Variants in KCNJ1 observed in about 807,000 individuals in gnomAD.
KCNJ1 encodes the protein ATP-sensitive inward rectifier potassium channel 1.
In KCNJ1, 24 loss-of-function variants were observed where a neutral mutation model predicts 21.9. The ratio of observed to expected loss-of-function variants is 1.10; its 90% CI spans 0.79 to 1.54. The LOEUF (loss-of-function observed/expected upper bound fraction) is 1.54, where lower values mean the gene tolerates loss of function less well. Among genes scored for constraint, KCNJ1 ranks in the 40% most tolerant of loss-of-function variants. The pLI is 0.00. For missense variants in KCNJ1, 457 were observed against 455.4 expected, an observed-to-expected ratio of 1.00 and a Z score of -0.03; for synonymous variants, 152 against 160.9, an observed-to-expected ratio of 0.94 and a Z score of 0.42.
At chr11:128,865,399 G>A (rs770430615) in intron 1 of KCNJ1, among the ~76,000 whole-genome samples, 11 of 152,018 alleles carry the variant, frequency 7.2e-5, no homozygotes, top group Non-Finnish European at 1.5e-4. Context: ...GCCATTCAGT[G>A]GTTTCCCAGG....
At chr11:128,856,752 A>G (rs1478254084) in intron 1 of KCNJ1, among the ~76,000 whole-genome samples, 1 of 152,020 alleles carries the variant, frequency 6.6e-6, no homozygotes, top group Admixed American at 6.5e-5. Flanking sequence ...CACGCAATCC[A>G]TCAGCAAATC....
intron 2 of KCNJ1, among the ~76,000 whole-genome samples, chr11:128,841,620 T>G (rs766076635): frequency 1.3e-5 from 2 of 152,186 alleles, no homozygotes; most frequent in African/African-American, 2.4e-5. Context: ...AAAATCCCCC[T>G]TGAAAAATGT....
intron 1 of KCNJ1, among the ~76,000 whole-genome samples, chr11:128,851,424 T>G (rs1321031808): frequency 6.6e-6 from 1 of 152,262 alleles, no homozygotes; most frequent in African/African-American, 2.4e-5. Context: ...ATTCTTCCAC[T>G]TGTTTATCCT....
chr11:128,839,508 G>A lies in KCNJ1; in HGVS notation c.736C>T (p.Pro246Ser), dbSNP rs764179926. The change falls in exon 3 of 3, where the codon CCA becomes TCA. Residue 246 changes from proline (P) to serine (S), a missense_variant. Pro to Ser is a moderately conservative substitution (Grantham distance 74). Transcript: ENST00000392666. ...TCAATGACATGGTAAATTGTCAATG[G>A]GGAGATGAAGAATAAATTTTCATTC... ...AGNENLFFIS[P>S]LTIYHVIDHN... 1 of 1,614,126 alleles carries A rather than the reference G, an allele frequency of 6.2e-7. No individual in the cohort carries two copies.
At chr11:128,864,330 C>T (rs1337287520) in intron 1 of KCNJ1, among the ~76,000 whole-genome samples, 1 of 152,018 alleles carries the variant, frequency 6.6e-6, no homozygotes, top group African/African-American at 2.4e-5. Flanking sequence ...AGATGAGCCT[C>T]AGCCACCAAA....
intron 2 of KCNJ1, among the ~76,000 whole-genome samples, chr11:128,845,346 A>G (rs1218413643): frequency 2.0e-5 from 3 of 152,246 alleles, no homozygotes; most frequent in Non-Finnish European, 4.4e-5. Context: ...AGTCCCAAAG[A>G]GGAGACCCAG....
intron 2 of KCNJ1, chr11:128,842,343 T>C: frequency 6.2e-7 from 1 of 1,611,606 alleles, no homozygotes; most frequent in Non-Finnish European, 8.5e-7. Context: ...ATTATCTGCC[T>C]GGCTTTCCAG....
At chr11:128,843,699 G>A (rs1243462258) in intron 2 of KCNJ1, among the ~76,000 whole-genome samples, 1 of 152,126 alleles carries the variant, frequency 6.6e-6, no homozygotes, top group Non-Finnish European at 1.5e-5. Flanking sequence ...CATCAGCTGG[G>A]GATCCACCCT....
intron 1 of KCNJ1, among the ~76,000 whole-genome samples, chr11:128,853,839 G>A (rs1334836219): frequency 2.0e-5 from 3 of 152,186 alleles, no homozygotes; most frequent in African/African-American, 4.8e-5. Flanking sequence ...TGCTCCTGAA[G>A]GCACCACCAT....
At chr11:128,854,449 C>T (rs1184649697) in intron 1 of KCNJ1, among the ~76,000 whole-genome samples, 1 of 152,036 alleles carries the variant, frequency 6.6e-6, no homozygotes, top group African/African-American at 2.4e-5. Context: ...ATTCAAAACC[C>T]CGCCTTGCCC....
At chr11:128,858,376 C>T (rs1312389574) in intron 1 of KCNJ1, among the ~76,000 whole-genome samples, 1 of 152,152 alleles carries the variant, frequency 6.6e-6, no homozygotes, top group Non-Finnish European at 1.5e-5. Flanking sequence ...AATGTCAACT[C>T]TGCACCACCA....
Position 128,839,618 on chromosome 11 carries a change from C to A in KCNJ1, c.626G>T (p.Gly209Val), listed in dbSNP as rs761781140. Residue 209 changes from glycine (G) to valine (V), a missense_variant, in exon 3 of 3, where the codon GGA becomes GTA. Coordinates refer to ENST00000392666, the MANE Select transcript of KCNJ1 (RefSeq NM_153766.3). ...KSLLIGSHIY[G>V]KLLKTTVTPE... is the part of the protein sequence containing the mutation. Reference sequence around the variant, plus strand: ...AGTGACTGTGGTCTTCAGAAGCTTTCCATAAATGTGACTGCCAATAAGAAG... The same window carrying A: ...AGTGACTGTGGTCTTCAGAAGCTTTACATAAATGTGACTGCCAATAAGAAG... 1 of 1,613,966 alleles carries A rather than the reference C, an allele frequency of 6.2e-7. No individual in the cohort carries two copies. The highest frequency in any genetic ancestry group is 1.1e-5 in the South Asian group (1 of 91,070).
chr11:128,848,474 G>A (rs114880891), intron 2 of KCNJ1, among the ~76,000 whole-genome samples: 1,896 of 152,156 alleles, frequency 0.012, 40 homozygotes, highest in African/African-American at 0.044. Flanking sequence ...TTACGGGTGT[G>A]AGCCACCATG....
rs186337735 is a variant in KCNJ1, at chr11:128,862,064, G to A, written c.-192+5109C>T. ...GTGCGCTGGGTGCCTGGGTCGCACC[G>A]CTCATCTTGCTGCAGTGCCATCCTC... is the stretch of plus-strand genomic sequence containing the variant. On this transcript the variant is annotated intron_variant, in intron 1 of 2. Transcript: ENST00000392666. Among the ~76,000 whole-genome samples the A allele has an allele frequency of 2.0e-3, 300 of 152,240 alleles. 2 individuals are homozygous for A. Among genetic ancestry groups the A allele is most frequent in the African/African-American group, 6.9e-3 (285 of 41,552 alleles).
At chr11:128,852,169 C>A (rs1314658691) in intron 1 of KCNJ1, among the ~76,000 whole-genome samples, 7 of 152,248 alleles carry the variant, frequency 4.6e-5, no homozygotes, top group African/African-American at 1.2e-4. Flanking sequence ...GCTTAGACCA[C>A]ACTTGGACAT....
chr11:128,844,774 A>T (rs1336558340), intron 2 of KCNJ1, among the ~76,000 whole-genome samples: 1 of 152,212 alleles, frequency 6.6e-6, no homozygotes, highest in Non-Finnish European at 1.5e-5. Flanking sequence ...AAAGAGGGGA[A>T]AGGGAAAATA....
intron 2 of KCNJ1, among the ~76,000 whole-genome samples, chr11:128,841,532 C>G (rs1408798717): frequency 6.6e-6 from 1 of 152,192 alleles, no homozygotes; most frequent in Middle Eastern, 3.2e-3. Context: ...CCAAGAATAT[C>G]AAGGTGTGCC....
At chr11:128,846,889 C>T (rs1207269853) in intron 2 of KCNJ1, among the ~76,000 whole-genome samples, 1 of 152,102 alleles carries the variant, frequency 6.6e-6, no homozygotes, top group Non-Finnish European at 1.5e-5. Context: ...AATCATCAGC[C>T]TCAGACCAGG....
chr11:128,859,942 G>A (rs1309395592), intron 1 of KCNJ1, among the ~76,000 whole-genome samples: 1 of 152,212 alleles, frequency 6.6e-6, no homozygotes, highest in Admixed American at 6.5e-5. Flanking sequence ...GCAGACGGCG[G>A]GCAGCAAAGC....
Sources: allele counts gnomAD v4.1 joint callset (sites outside exome capture counted in the v4.1 genomes callset), GRCh38; gene constraint gnomAD v4.1.1; transcripts MANE v1.5; gene names NCBI Gene and HGNC (gene_info 2026-07-23, HGNC 2026-07-21).